Variants in RAB27B observed in about 807,000 individuals in gnomAD.
RAB27B encodes RAB27B, member RAS oncogene family.
In RAB27B, 15 loss-of-function variants were observed where a neutral mutation model predicts 24.6. The ratio of observed to expected loss-of-function variants is 0.61; its 90% CI spans 0.41 to 0.94. The LOEUF is 0.94. RAB27B is among the 40% of genes least tolerant of loss of function. The probability of loss-of-function intolerance (pLI) is 0.00; values close to 1 mark genes in which losing one functional copy is unlikely to be tolerated. For synonymous variants in RAB27B, 105 were observed against 92.5 expected (o/e 1.14, Z -0.78); for missense variants, 261 against 266.8 (o/e 0.98, Z 0.15).
At chr18:54,856,798 G>C (rs1911801797) in intron 1 of RAB27B, among the ~76,000 whole-genome samples, 1 of 152,180 alleles carries the variant, frequency 6.6e-6, no homozygotes, top group African/African-American at 2.4e-5. Context: ...CCTGATAAAT[G>C]TTTGCTGGGT....
At chr18:54,857,299 T>C (rs975185958) in intron 1 of RAB27B, among the ~76,000 whole-genome samples, 2 of 152,202 alleles carry the variant, frequency 1.3e-5, no homozygotes, top group Non-Finnish European at 2.9e-5. Flanking sequence ...TCTGTTCTCT[T>C]CTGCCCATCC....
rs117122847 is a variant in RAB27B, at chr18:54,849,001, T to G, written c.-20+20301T>G. Among the ~76,000 whole-genome samples the G allele has an allele frequency of 9.4e-4, 143 of 152,286 alleles. 1 individual carries two copies. The highest frequency in any genetic ancestry group is 1.6e-3 in the Non-Finnish European group (112 of 68,018). ...ATAGAAAGACAATGATATGGACAAA[T>G]GGAGCCATCACCAGGCCAGCAGAAC... On this transcript the variant is annotated intron_variant, in intron 1 of 5. Transcript: ENST00000262094.
At chr18:54,729,267 G>T (rs1216980197) in intron 2 of RAB27B, among the ~76,000 whole-genome samples, 1 of 152,146 alleles carries the variant, frequency 6.6e-6, no homozygotes, top group Non-Finnish European at 1.5e-5. Context: ...GAATGATTAA[G>T]TTTAAATATT....
chr18:54,795,112 C>T (rs749125290), intron 2 of RAB27B, among the ~76,000 whole-genome samples: 10 of 152,062 alleles, frequency 6.6e-5, no homozygotes, highest in Non-Finnish European at 1.3e-4. Context: ...AAAACTTTCC[C>T]ACTTATGGTT....
rs1260939400 is a variant in RAB27B at position 54,894,359 on chromosome 18, CTT to C, written c.*4948_*4949del. ...GTAATGGCTAACATCCTTCAGCTGA[CTT>C]TGTCTACAAGGATTATTAGCAAATT... On this transcript the variant is annotated 3_prime_UTR_variant, in exon 6 of 6. Transcript: ENST00000262094. 1 of 151,998 alleles carries C rather than the reference CTT, an allele frequency of 6.6e-6. No individual in the cohort carries two copies. The highest frequency in any genetic ancestry group is 6.6e-5 in the Admixed American group (1 of 15,238). 9.4% of individuals were successfully genotyped at this position (151,998 alleles called of 1,614,324 possible). A position where few individuals can be genotyped will look rare whatever the true frequency, so the allele number is the denominator to read the frequency against.
chr18:54,771,074 G>A (rs765078753), intron 2 of RAB27B, among the ~76,000 whole-genome samples: 13 of 152,150 alleles, frequency 8.5e-5, no homozygotes, highest in African/African-American at 2.7e-4. Context: ...AGATGGATTA[G>A]ACTGCAGTAA....
At chr18:54,816,756 G>A (rs1426567064) in intron 2 of RAB27B, among the ~76,000 whole-genome samples, 2 of 152,222 alleles carry the variant, frequency 1.3e-5, no homozygotes, top group Middle Eastern at 3.4e-3. Context: ...GAGTTGTGGT[G>A]AGGCTAAGGG....
At chr18:54,733,854 C>T (rs897724620) in intron 2 of RAB27B, among the ~76,000 whole-genome samples, 2 of 150,634 alleles carry the variant, frequency 1.3e-5, no homozygotes, top group African/African-American at 2.4e-5. Context: ...GTGATTTAGG[C>T]GGTTAAGTTC....
intron 2 of RAB27B, among the ~76,000 whole-genome samples, chr18:54,728,876 AAAAAAAAAAAAAAAAAAAAAAAAACCC>A (rs1379276795): frequency 8.4e-3 from 26 of 3,088 alleles, no homozygotes; most frequent in African/African-American, 0.029. Context: ...ACTCTGTCTC[AAAAAAAAAAAAAAAAAAAAAAAAACCC>A]AAAAAAAAAA....
chr18:54,769,276 T>G (rs1338762833), intron 2 of RAB27B, among the ~76,000 whole-genome samples: 1 of 152,220 alleles, frequency 6.6e-6, no homozygotes, highest in East Asian at 1.9e-4. Flanking sequence ...AGGGTAATCC[T>G]TAAAGTTCCA....
At chr18:54,770,426 T>C (rs1908507219) in intron 2 of RAB27B, among the ~76,000 whole-genome samples, 1 of 151,944 alleles carries the variant, frequency 6.6e-6, no homozygotes, top group African/African-American at 2.4e-5. Flanking sequence ...CTTATGATAA[T>C]CTAATGCCTG....
chr18:54,891,674 A>G lies in RAB27B; in HGVS notation c.*2261A>G, dbSNP rs2053141339. On this transcript the variant is annotated 3_prime_UTR_variant, in exon 6 of 6. Transcript: ENST00000262094. ...TTGATATGTCTTTTTGTTTCTATTC[A>G]TTTTCAGTTATATGATTGATTTACT... 6.6e-6 allele frequency: 1 copy of G among 151,878 alleles called. No individual in the cohort carries two copies. The allele number at this position is 151,878 out of a possible 1,614,324, so 9.4% of individuals were successfully genotyped here. A position where few individuals can be genotyped will look rare whatever the true frequency, so the allele number is the denominator to read the frequency against.
chr18:54,886,286 T>G (rs1913132596), intron 4 of RAB27B, among the ~76,000 whole-genome samples: 1 of 152,178 alleles, frequency 6.6e-6, no homozygotes, highest in Non-Finnish European at 1.5e-5. Flanking sequence ...TTTTGATGCT[T>G]TCTACCACTA....
At chr18:54,838,271 A>C (rs1467010862) in intron 1 of RAB27B, among the ~76,000 whole-genome samples, 4 of 151,440 alleles carry the variant, frequency 2.6e-5, no homozygotes, top group Admixed American at 6.6e-5. Flanking sequence ...AATATGCAAA[A>C]TATTGTCAAG....
chr18:54,841,354 C>T (rs1400219870), intron 1 of RAB27B, among the ~76,000 whole-genome samples: 5 of 152,188 alleles, frequency 3.3e-5, no homozygotes, highest in Admixed American at 1.3e-4. Context: ...CAACTAGTTA[C>T]ATAGCATTTA....
upstream of RAB27B, among the ~76,000 whole-genome samples, chr18:54,825,428 T>C (rs897026491): frequency 2.6e-5 from 4 of 152,186 alleles, no homozygotes; most frequent in African/African-American, 9.6e-5. Context: ...CTTTTCTGCA[T>C]AGAAAGAAGT....
intron 2 of RAB27B, among the ~76,000 whole-genome samples, chr18:54,800,585 T>C (rs966129694): frequency 6.6e-6 from 1 of 152,222 alleles, no homozygotes; most frequent in Non-Finnish European, 1.5e-5. Flanking sequence ...CATTCTTCTT[T>C]TGAGAGGTAC....
At chr18:54,832,854 G>A (rs116460862) in intron 1 of RAB27B, among the ~76,000 whole-genome samples, 5,608 of 152,158 alleles carry the variant, frequency 0.037, 118 homozygotes, top group Middle Eastern at 0.13. Context: ...GGCAGCTCGG[G>A]AAAGAGATGG....
chr18:54,797,975 A>T (rs1909477842), intron 2 of RAB27B, among the ~76,000 whole-genome samples: 1 of 152,160 alleles, frequency 6.6e-6, no homozygotes, highest in Admixed American at 6.5e-5. Flanking sequence ...TCTACCCTTA[A>T]AGATTCTGAC....
Sources: gnomAD v4.1 joint callset for allele counts (sites outside exome capture counted in the v4.1 genomes callset) on GRCh38, gnomAD v4.1.1 for gene constraint, MANE v1.5 for transcripts, NCBI Gene and HGNC (gene_info 2026-07-23, HGNC 2026-07-21) for gene names.